Variants in ABLIM1 observed in about 807,000 individuals in gnomAD.
ABLIM1 encodes actin binding LIM protein 1, also known as actin-binding LIM protein 1.
Under a neutral mutation model 107.0 loss-of-function variants are expected in ABLIM1, and 40 were observed. The observed-to-expected ratio is 0.37, with a 90% confidence interval of 0.29 to 0.49. The LOEUF (loss-of-function observed/expected upper bound fraction) is 0.49. ABLIM1 is among the 20% of genes least tolerant of loss of function. ABLIM1 has a pLI of 0.97. For synonymous variants in ABLIM1, 357 were observed against 357.3 expected (o/e 1.00, Z 0.01); for missense variants, 857 against 1,008.5 (o/e 0.85, Z 2.04).
At chr10:114,491,008 G>GTATATATATATATATATATA (rs1347498391) in intron 7 of ABLIM1, among the ~76,000 whole-genome samples, 2 of 86,498 alleles carry the variant, frequency 2.3e-5, no homozygotes, top group African/African-American at 5.6e-5. Flanking sequence ...GTGTGTGTGT[G>GTATATATATATATATATATA]TGTGTATATA....
At chr10:114,448,727 C>T (rs1565275246) in intron 14 of ABLIM1, among the ~76,000 whole-genome samples, 1 of 152,096 alleles carries the variant, frequency 6.6e-6, no homozygotes, top group Non-Finnish European at 1.5e-5. Flanking sequence ...GATTCTCCTG[C>T]CTCAGCCTCC....
chr10:114,440,351 T>C (rs1253847235), intron 19 of ABLIM1, among the ~76,000 whole-genome samples: 1 of 152,224 alleles, frequency 6.6e-6, no homozygotes, highest in African/African-American at 2.4e-5. Context: ...CTTCCTTCTC[T>C]GCATCTCTGA....
chr10:114,468,301 G>A, intron 10 of ABLIM1, 85 bp from the exon 11 acceptor site: 1 of 1,298,002 alleles, frequency 7.7e-7, no homozygotes, highest in Non-Finnish European at 1.1e-6. Context: ...TTGAGATGGA[G>A]TCTCGCTCTG....
chr10:114,659,706 A>C (rs1187738518), upstream of ABLIM1, among the ~76,000 whole-genome samples: 3 of 152,084 alleles, frequency 2.0e-5, no homozygotes, highest in Non-Finnish European at 4.4e-5. Context: ...CATCATTTAC[A>C]TTTCTAAACA....
Position 114,538,377 on chromosome 10 carries a change from G to T in ABLIM1, c.894+6628C>A, listed in dbSNP as rs955353028. The stretch of plus-strand genomic sequence containing the variant: ...CTGTCCTGCTGTCCACCCTTTCCAA[G>T]TTAACAGATAAAGACAGGGGAGGGT... On this transcript the variant is annotated intron_variant, in intron 6 of 22. Coordinates refer to ENST00000533213, the MANE Select transcript of ABLIM1 (RefSeq NM_002313.7). 2.6e-5 allele frequency among the ~76,000 whole-genome samples: 4 copies of T among 152,168 alleles called. No homozygotes were observed. The East Asian group carries it at 7.7e-4, about 29-fold the overall frequency.
At chr10:114,507,334 C>T (rs554532911) in intron 6 of ABLIM1, among the ~76,000 whole-genome samples, 10 of 152,218 alleles carry the variant, frequency 6.6e-5, no homozygotes, top group African/African-American at 2.4e-4. Context: ...AAGCAAAAAA[C>T]CGACTGAAAA....
chr10:114,644,306 A>AAT (rs1244613103), intron 1 of ABLIM1, among the ~76,000 whole-genome samples: 1,639 of 52,080 alleles, frequency 0.031, 52 homozygotes, highest in East Asian at 0.064. Context: ...AAAAAAAAAA[A>AAT]ATATATATAT....
At chr10:114,556,845 T>C (rs2068797512) in intron 4 of ABLIM1, among the ~76,000 whole-genome samples, 1 of 152,144 alleles carries the variant, frequency 6.6e-6, no homozygotes, top group Non-Finnish European at 1.5e-5. Flanking sequence ...GAGTCCACAA[T>C]TTTCTTTTTT....
intron 2 of ABLIM1, among the ~76,000 whole-genome samples, chr10:114,578,912 G>A (rs570358651): frequency 6.1e-5 from 9 of 147,208 alleles, no homozygotes; most frequent in African/African-American, 1.3e-4. Flanking sequence ...TCAGCCTCCC[G>A]AGTAGCTGGG....
chr10:114,465,630 T>C (rs951227535), intron 12 of ABLIM1, 68 bp downstream of exon 12: 33 of 1,575,142 alleles, frequency 2.1e-5, no homozygotes, highest in Non-Finnish European at 2.7e-5. Flanking sequence ...GTGCTATCAA[T>C]AGTAGGGGAA....
At chr10:114,557,680 T>G (rs900402077) in intron 4 of ABLIM1, among the ~76,000 whole-genome samples, 2 of 149,182 alleles carry the variant, frequency 1.3e-5, no homozygotes, top group African/African-American at 4.9e-5. Flanking sequence ...TGTTTTTTTT[T>G]TTTTTTTTTT....
chr10:114,579,444 G>A (rs1428226565), intron 2 of ABLIM1, among the ~76,000 whole-genome samples: 2 of 152,148 alleles, frequency 1.3e-5, no homozygotes, highest in Non-Finnish European at 2.9e-5. Flanking sequence ...TTTTAGATAA[G>A]TCATGTTTTT....
At chr10:114,703,797 C>T (rs927922940) in intron 1 of ABLIM1, among the ~76,000 whole-genome samples, 1 of 152,180 alleles carries the variant, frequency 6.6e-6, no homozygotes, top group African/African-American at 2.4e-5. Context: ...CTGAACAGAG[C>T]CCAGAAGGGT....
At chr10:114,690,289 T>C (rs1591831245) in intron 1 of ABLIM1, 2 of 1,574,738 alleles carry the variant, frequency 1.3e-6, no homozygotes, top group East Asian at 4.5e-5. Flanking sequence ...CACTCACTCT[T>C]GGCAGTGCAG....
chr10:114,699,465 C>A (rs1384567817), intron 1 of ABLIM1, among the ~76,000 whole-genome samples: 1 of 151,878 alleles, frequency 6.6e-6, no homozygotes, highest in Non-Finnish European at 1.5e-5. Context: ...AATATATAAA[C>A]CTTGACAATG....
In ABLIM1 at chr10:114,440,159, T is replaced by C; in HGVS notation, c.2060-70A>G. 3 of 1,442,432 alleles carry C rather than the reference T, an allele frequency of 2.1e-6. No homozygotes were observed. In the South Asian group the frequency reaches 3.4e-5, roughly 17 times the overall value. 89.4% of individuals were successfully genotyped at this position (1,442,432 alleles called of 1,614,324 possible). ...GAAAAGCAAGGAACCATTCACAGAC[T>C]ATATTATATTGAAATTCCCAACATA... is the stretch of plus-strand genomic sequence containing the variant. On this transcript the variant is annotated intron_variant, in intron 19 of 22. Coordinates refer to ENST00000533213, the MANE Select transcript of ABLIM1 (RefSeq NM_002313.7).
At chr10:114,548,585 T>G (rs1045342577) in intron 4 of ABLIM1, among the ~76,000 whole-genome samples, 1 of 152,198 alleles carries the variant, frequency 6.6e-6, no homozygotes, top group Non-Finnish European at 1.5e-5. Context: ...AGATGGCACA[T>G]TGGAAGTGAC....
At chr10:114,468,334 G>C in intron 10 of ABLIM1, 118 bp from the exon 11 acceptor site, 2 of 945,300 alleles carry the variant, frequency 2.1e-6, no homozygotes, top group Non-Finnish European at 3.4e-6. Flanking sequence ...GAGTGCAGTG[G>C]CGCAATCTCG....
At chr10:114,564,179 C>T (rs966757446) in intron 4 of ABLIM1, among the ~76,000 whole-genome samples, 3 of 151,704 alleles carry the variant, frequency 2.0e-5, no homozygotes, top group Non-Finnish European at 4.4e-5. Flanking sequence ...TCCCTGGACC[C>T]GGCCTCGTTG....
Sources: allele counts gnomAD v4.1 joint callset (sites outside exome capture counted in the v4.1 genomes callset), GRCh38; gene constraint gnomAD v4.1.1; transcripts MANE v1.5; gene names NCBI Gene and HGNC (gene_info 2026-07-23, HGNC 2026-07-21).